Variants in ASB3 observed in about 807,000 individuals in gnomAD.
ASB3 encodes the protein ankyrin repeat and SOCS box containing 3, also known as ankyrin repeat and SOCS box protein 3.
ASB3 carries 41 observed loss-of-function variants against 54.5 expected under a neutral mutation model. That is an observed-to-expected ratio of 0.75 (90% CI 0.59 to 0.98). The LOEUF is 0.98. Among genes scored for constraint, ASB3 ranks in the 50% least tolerant of loss-of-function variants. The pLI is 0.00. For synonymous variants in ASB3, 266 were observed against 221.2 expected (o/e 1.20, Z -1.80); for missense variants, 733 against 620.0 (o/e 1.18, Z -1.94).
intron 2 of ASB3, among the ~76,000 whole-genome samples, chr2:53,763,153 A>C (rs1673239948): frequency 6.6e-6 from 1 of 152,164 alleles, no homozygotes; most frequent in African/African-American, 2.4e-5. Context: ...AAGCCAAGGC[A>C]GGAGGATCAC....
chr2:53,689,563 A>C (rs1278963925), intron 9 of ASB3, among the ~76,000 whole-genome samples: 1 of 152,208 alleles, frequency 6.6e-6, no homozygotes, highest in Non-Finnish European at 1.5e-5. Context: ...TTGTTTCTGC[A>C]TCTAACAATC....
At chr2:53,708,875 T>C (rs568393554) in intron 7 of ASB3, among the ~76,000 whole-genome samples, 4 of 152,344 alleles carry the variant, frequency 2.6e-5, no homozygotes, top group Admixed American at 1.3e-4. Flanking sequence ...TAAGAGCCTA[T>C]GCTCATATGC....
intron 1 of ASB3, among the ~76,000 whole-genome samples, chr2:53,781,077 A>G (rs542414780): frequency 2.0e-5 from 3 of 152,294 alleles, no homozygotes; most frequent in African/African-American, 7.2e-5. Context: ...AGCACTGAAC[A>G]GGAACAAAAT....
At chr2:53,716,788 A>C in intron 5 of ASB3, 45 bp from the exon 6 acceptor site, 1 of 1,517,170 alleles carries the variant, frequency 6.6e-7, no homozygotes, top group Non-Finnish European at 8.9e-7. Flanking sequence ...CCTAATACTT[A>C]AAAAAATCAA....
intron 1 of ASB3, among the ~76,000 whole-genome samples, chr2:53,785,131 C>A (rs1212334688): frequency 6.6e-6 from 1 of 152,258 alleles, no homozygotes; most frequent in Admixed American, 6.5e-5. Flanking sequence ...TCATTCAAGT[C>A]ACAATTCAAA....
At chr2:53,696,464 TC>T (rs1669187200) in intron 8 of ASB3, among the ~76,000 whole-genome samples, 2 of 152,104 alleles carry the variant, frequency 1.3e-5, no homozygotes, top group Non-Finnish European at 2.9e-5. Context: ...GCTAAATAAA[TC>T]CTTCTGCCTC....
intron 5 of ASB3, among the ~76,000 whole-genome samples, chr2:53,717,411 G>A (rs1670459052): frequency 6.6e-6 from 1 of 151,984 alleles, no homozygotes; most frequent in African/African-American, 2.4e-5. Context: ...CATAACCACT[G>A]CATGATAAAT....
At chr2:53,737,868 C>A (rs1671730607) in intron 3 of ASB3, among the ~76,000 whole-genome samples, 1 of 151,712 alleles carries the variant, frequency 6.6e-6, no homozygotes, top group South Asian at 2.1e-4. Flanking sequence ...GAATAAAAAT[C>A]AAACTGAACA....
Position 53,671,634 on chromosome 2 carries a change from C to T in ASB3, c.1370-944G>A, listed in dbSNP as rs1419403031. Among the ~76,000 whole-genome samples, 4 of 151,836 alleles carry T rather than the reference C, an allele frequency of 2.6e-5. No homozygotes were observed. In the East Asian group the frequency reaches 7.7e-4, roughly 29 times the overall value. ...ATTAGCTTGGCGTGGTGGCACATGC[C>T]TGTAATCCCACCTACTAGGGAGGCT... On this transcript the variant is annotated intron_variant, in intron 9 of 9. Transcript: ENST00000263634.
chr2:53,710,858 GGCTCAC>G (rs1670054216), intron 7 of ASB3, among the ~76,000 whole-genome samples: 1 of 152,140 alleles, frequency 6.6e-6, no homozygotes, highest in Admixed American at 6.5e-5. Context: ...TGGGTGCTGT[GGCTCAC>G]GCCTGTAATC....
rs1667743142 is a variant in ASB3, at chr2:53,670,171, A to G, written c.*332T>C. The G allele has an allele frequency of 4.9e-6, 1 of 202,790 alleles. No homozygotes were observed. The highest frequency in any genetic ancestry group is 2.4e-5 in the African/African-American group (1 of 42,290). The allele number at this position is 202,790 out of a possible 1,614,324, so 12.6% of individuals were successfully genotyped here. On this transcript the variant is annotated 3_prime_UTR_variant, in exon 10 of 10. Coordinates refer to ENST00000263634, the MANE Select transcript of ASB3 (RefSeq NM_016115.5). ...TATGCCATGTTTAGCACTAGAAGTA[A>G]CATCACAGTTTATTAGCAAAATAAA...
chr2:53,742,225 T>C (rs1415788403), intron 3 of ASB3, among the ~76,000 whole-genome samples: 2 of 152,188 alleles, frequency 1.3e-5, no homozygotes, highest in Non-Finnish European at 2.9e-5. Flanking sequence ...ACTAGCTAAA[T>C]GAATTCATGT....
intron 1 of ASB3, among the ~76,000 whole-genome samples, chr2:53,777,108 T>G (rs1674383930): frequency 6.6e-6 from 1 of 152,216 alleles, no homozygotes; most frequent in Non-Finnish European, 1.5e-5. Context: ...TATAAATGGT[T>G]CGCCCACACA....
chr2:53,785,654 C>T (rs919309241), intron 1 of ASB3, among the ~76,000 whole-genome samples: 1 of 152,146 alleles, frequency 6.6e-6, no homozygotes, highest in Non-Finnish European at 1.5e-5. Flanking sequence ...ACCAGCCTGG[C>T]CAACGTGGTG....
At chr2:53,767,831 G>A (rs974485124) in intron 1 of ASB3, 15 of 1,554,590 alleles carry the variant, frequency 9.6e-6, no homozygotes, top group Admixed American at 5.8e-5. Flanking sequence ...TTCAGTCCCC[G>A]GCGGCGCGGC....
rs34356077 is a variant in ASB3, at chr2:53,778,149, CAAA to C, written c.-14+8669_-14+8671del. Among the ~76,000 whole-genome samples, 506 of 62,610 alleles carry C rather than the reference CAAA, an allele frequency of 8.1e-3. 4 individuals are homozygous for C. The highest frequency in any genetic ancestry group is 0.024 in the African/African-American group (481 of 19,888). 41.1% of individuals were successfully genotyped at this position (62,610 alleles called of 152,430 possible). On this transcript the variant is annotated intron_variant, in intron 1 of 9. Coordinates refer to ENST00000263634, the MANE Select transcript of ASB3 (RefSeq NM_016115.5). Reference sequence around the variant, plus strand: ...GCGCAACAGAGCAGGATTCTTGTCTCAAAAAAAAAAAAAAAAAAAAAAAGAGTG... The same window carrying C: ...GCGCAACAGAGCAGGATTCTTGTCTCAAAAAAAAAAAAAAAAAAAAGAGTG...
intron 5 of ASB3, among the ~76,000 whole-genome samples, chr2:53,721,132 A>G (rs1370890844): frequency 2.1e-5 from 3 of 145,434 alleles, no homozygotes; most frequent in South Asian, 4.3e-4. Flanking sequence ...ATATAAATAA[A>G]TAAATAAATA....
intron 2 of ASB3, among the ~76,000 whole-genome samples, chr2:53,758,004 A>C (rs147828343): frequency 7.2e-4 from 110 of 152,298 alleles, no homozygotes; most frequent in African/African-American, 2.6e-3. Context: ...TCAAGGAGAG[A>C]AGAGACAGAG....
intron 5 of ASB3, among the ~76,000 whole-genome samples, chr2:53,722,433 T>C (rs1435021263): frequency 6.6e-6 from 1 of 152,090 alleles, no homozygotes; most frequent in Non-Finnish European, 1.5e-5. Context: ...CTCAACAAAA[T>C]ATTAGCAAAT....
Sources: allele counts gnomAD v4.1 joint callset (sites outside exome capture counted in the v4.1 genomes callset), GRCh38; gene constraint gnomAD v4.1.1; transcripts MANE v1.5; gene names NCBI Gene and HGNC (gene_info 2026-07-23, HGNC 2026-07-21).